Variants in CUTC observed in about 807,000 individuals in gnomAD.
CUTC encodes copper homeostasis protein cutC homolog.
In CUTC, 27 loss-of-function variants were observed where a neutral mutation model predicts 36.2. The observed-to-expected ratio is 0.75, with a 90% confidence interval of 0.55 to 1.03. The LOEUF is 1.03. CUTC is among the 50% of genes least tolerant of loss of function. The probability of loss-of-function intolerance (pLI) is 0.00; values close to 1 mark genes in which losing one functional copy is unlikely to be tolerated. For synonymous variants in CUTC, 114 were observed against 118.3 expected (o/e 0.96, Z 0.24); for missense variants, 315 against 343.5 (o/e 0.92, Z 0.66).
rs1026494425 is a variant in CUTC at position 99,745,925 on chromosome 10, A to G, written c.440-1332A>G. 3.3e-5 allele frequency among the ~76,000 whole-genome samples: 5 copies of G among 152,210 alleles called. 1 individual carries two copies. Among genetic ancestry groups the G allele is most frequent in the South Asian group, 2.1e-4 (1 of 4,834 alleles). ...TGTTGAAAACAACTACCCTTATGCT[A>G]TGAACCTTGAGTATGTGGGGTTAAT... On this transcript the variant is annotated intron_variant, in intron 5 of 8. Transcript: ENST00000370476.
intron 6 of CUTC, among the ~76,000 whole-genome samples, chr10:99,748,207 T>C (rs1407751680): frequency 5.3e-5 from 8 of 152,198 alleles, no homozygotes; most frequent in Non-Finnish European, 1.0e-4. Flanking sequence ...GAAACTGAGA[T>C]GAGTTTAATA....
rs377243803 is a variant in CUTC at position 99,748,427 on chromosome 10, G to A, written c.573+1037G>A. ...CAGAAATTTCTCCTAAAGATCTGAT[G>A]TGACTTTGCTATTCTGGGATGTAAT... On this transcript the variant is annotated intron_variant, in intron 6 of 8. Coordinates refer to ENST00000370476, the MANE Select transcript of CUTC (RefSeq NM_015960.3). 2.8e-4 allele frequency among the ~76,000 whole-genome samples: 43 copies of A among 152,262 alleles called. No individual in the cohort carries two copies. In the South Asian group the frequency reaches 8.7e-3, roughly 31 times the overall value.
intron 3 of CUTC, among the ~76,000 whole-genome samples, chr10:99,741,301 G>A (rs547550006): frequency 3.9e-5 from 6 of 152,132 alleles, no homozygotes; most frequent in South Asian, 2.1e-4. Flanking sequence ...CTGTGACCAT[G>A]AATTTTGAAA....
At chr10:99,754,702 A>T in intron 8 of CUTC, 68 bp downstream of exon 8, 8 of 1,095,336 alleles carry the variant, frequency 7.3e-6, no homozygotes, top group Middle Eastern at 2.0e-4. Context: ...CAAATAGAAA[A>T]ACTTTGGATG....
chr10:99,746,196 T>A (rs2037376503), intron 5 of CUTC, among the ~76,000 whole-genome samples: 1 of 152,190 alleles, frequency 6.6e-6, no homozygotes, highest in Non-Finnish European at 1.5e-5. Flanking sequence ...AAGAACAAGA[T>A]CATGTCCTTT....
At chr10:99,743,537 C>G (rs185513676) in intron 4 of CUTC, among the ~76,000 whole-genome samples, 175 bp downstream of exon 4, 1 of 152,262 alleles carries the variant, frequency 6.6e-6, no homozygotes, top group Admixed American at 6.5e-5. Context: ...GTATGTGTGG[C>G]AAAGCCTTCT....
At chr10:99,747,015 A>T (rs1374430950) in intron 5 of CUTC, among the ~76,000 whole-genome samples, 1 of 151,746 alleles carries the variant, frequency 6.6e-6, no homozygotes, top group South Asian at 2.1e-4. Context: ...TGATCTCCCC[A>T]CCTCGGCCTC....
intron 6 of CUTC, among the ~76,000 whole-genome samples, chr10:99,750,010 A>G (rs951725793): frequency 2.0e-5 from 3 of 152,144 alleles, no homozygotes; most frequent in African/African-American, 7.2e-5. Context: ...GAGTAAAAAG[A>G]GATTTTATCA....
chr10:99,733,442 A>C (rs1008248353), intron 1 of CUTC, among the ~76,000 whole-genome samples: 11 of 152,198 alleles, frequency 7.2e-5, no homozygotes, highest in African/African-American at 1.7e-4. Context: ...AAAAAAAGCA[A>C]AAGAGTGGAA....
At position 99,754,468 on chromosome 10, in the gene CUTC, A is replaced by G. The variant is rs2037440423; in HGVS notation, c.602-61A>G. 4.4e-6 allele frequency: 5 copies of G among 1,131,834 alleles called. 1 individual carries two copies. In the South Asian group the frequency reaches 6.5e-5, roughly 15 times the overall value. The allele number at this position is 1,131,834 out of a possible 1,614,324, so 70.1% of individuals were successfully genotyped here. A position where few individuals can be genotyped will look rare whatever the true frequency, so the allele number is the denominator to read the frequency against. ...CCAAGTAAAGTAAGCAGTCGTTACT[A>G]TTCCTTAAATTTTATGCAAAATTCT... On this transcript the variant is annotated intron_variant, in intron 7 of 8. Coordinates refer to ENST00000370476, the MANE Select transcript of CUTC (RefSeq NM_015960.3).
intron 5 of CUTC, among the ~76,000 whole-genome samples, chr10:99,744,927 A>G (rs546629963): frequency 4.2e-4 from 64 of 152,114 alleles, no homozygotes; most frequent in African/African-American, 1.5e-3. Flanking sequence ...TAATTTTTGG[A>G]TTTTTAGTAG....
Position 99,739,718 on chromosome 10 carries a change from C to T in CUTC, c.142C>T (p.Arg48Trp), listed in dbSNP as rs140301005. The change falls in exon 3 of 9, where the codon CGG becomes TGG. Residue 48 changes from arginine (R) to tryptophan (W), a missense_variant. Arg to Trp is a moderately radical substitution (Grantham distance 101). Coordinates refer to ENST00000370476, the MANE Select transcript of CUTC (RefSeq NM_015960.3). ...ATGCTTTTATATTACAGGTGCTGATCGGATTGAATTATGTTCTGGTTTATC... is the reference window on the plus strand; with the variant it reads ...ATGCTTTTATATTACAGGTGCTGATTGGATTGAATTATGTTCTGGTTTATC... ...AVNAERGGAD[R>W]IELCSGLSEG... is the part of the protein sequence containing the mutation. The T allele has an allele frequency of 3.1e-6, 5 of 1,610,224 alleles. No homozygotes were observed. The highest frequency in any genetic ancestry group is 1.3e-5 in the African/African-American group (1 of 74,640).
At position 99,754,539 on chromosome 10, in the gene CUTC, A is replaced by AACAG. The variant is rs1238131748; in HGVS notation, c.618_621dup (p.Asn208GlnfsTer8). 3 of 1,610,954 alleles carry AACAG rather than the reference A, an allele frequency of 1.9e-6. No homozygotes were observed. The highest frequency in any genetic ancestry group is 2.5e-6 in the Non-Finnish European group (3 of 1,177,480). Reference sequence around the variant, plus strand: ...TATTCTTTGCAACAGGAGGTGGTATAACAGACAGAAATCTACAAAGGATCC... The same window carrying AACAG: ...TATTCTTTGCAACAGGAGGTGGTATAACAGACAGACAGAAATCTACAAAGGATCC... On this transcript the variant is annotated frameshift_variant, in exon 8 of 9. Transcript: ENST00000370476. LOFTEE classifies it high-confidence loss of function.
intron 5 of CUTC, among the ~76,000 whole-genome samples, chr10:99,746,092 C>T (rs1442661124): frequency 6.6e-6 from 1 of 152,198 alleles, no homozygotes; most frequent in Non-Finnish European, 1.5e-5. Flanking sequence ...ACCTGCCTAT[C>T]ACATTTAAAA....
intron 3 of CUTC, among the ~76,000 whole-genome samples, chr10:99,742,006 C>T (rs185442212): frequency 1.3e-5 from 2 of 152,306 alleles, no homozygotes; most frequent in Admixed American, 1.3e-4. Context: ...TAAGCTTTGT[C>T]TCCTTAACTC....
chr10:99,744,807 T>C (rs562546689), intron 5 of CUTC, among the ~76,000 whole-genome samples: 15 of 152,182 alleles, frequency 9.9e-5, no homozygotes, highest in Non-Finnish European at 1.6e-4. Flanking sequence ...TAGGCTGGAG[T>C]GCAGTCGCAC....
intron 2 of CUTC, among the ~76,000 whole-genome samples, chr10:99,738,183 A>G (rs553773178): frequency 1.3e-5 from 2 of 151,750 alleles, no homozygotes; most frequent in Non-Finnish European, 2.9e-5. Context: ...TTTGTTGTTT[A>G]AGTTCTTTAT....
At chr10:99,750,098 C>T (rs979534366) in intron 6 of CUTC, among the ~76,000 whole-genome samples, 1 of 151,782 alleles carries the variant, frequency 6.6e-6, no homozygotes, top group Admixed American at 6.6e-5. Context: ...TATATACCAT[C>T]TTAATAGGTG....
At chr10:99,743,614 A>G (rs2037356529) in intron 4 of CUTC, among the ~76,000 whole-genome samples, 1 of 152,174 alleles carries the variant, frequency 6.6e-6, no homozygotes, top group African/African-American at 2.4e-5. Flanking sequence ...TTTAAGGGAA[A>G]TTTACCATGG....
Sources: gnomAD v4.1 joint callset for allele counts (sites outside exome capture counted in the v4.1 genomes callset) on GRCh38, gnomAD v4.1.1 for gene constraint, MANE v1.5 for transcripts, NCBI Gene and HGNC (gene_info 2026-07-23, HGNC 2026-07-21) for gene names.